The following POU6F2 variants were observed in gnomAD, a reference collection of about 807,000 sequenced individuals.
POU6F2 encodes the protein POU domain, class 6, transcription factor 2.
In POU6F2, 31 loss-of-function variants were observed where a neutral mutation model predicts 71.3. The ratio of observed to expected loss-of-function variants is 0.43; its 90% CI spans 0.33 to 0.59. The LOEUF (loss-of-function observed/expected upper bound fraction) is 0.59, where lower values mean the gene tolerates loss of function less well. POU6F2 is among the 20% of genes least tolerant of loss of function. The probability of loss-of-function intolerance (pLI) is 0.04; values close to 1 mark genes in which losing one functional copy is unlikely to be tolerated. For synonymous variants in POU6F2, 347 were observed against 355.7 expected, an observed-to-expected ratio of 0.98 and a Z score of 0.27; for missense variants, 783 against 856.8, an observed-to-expected ratio of 0.91 and a Z score of 1.07.
At position 39,180,666 on chromosome 7, in the gene POU6F2, C is replaced by A. The variant is rs188012452; in HGVS notation, c.278-23569C>A. ...GTGTGATTCATGCAGGCGCTTAGGA[C>A]CCCAAGCTCAGACGGGCTCTGTGTT... On this transcript the variant is annotated intron_variant, in intron 2 of 9. Transcript: ENST00000518318. 9.7e-4 allele frequency among the ~76,000 whole-genome samples: 147 copies of A among 152,264 alleles called. 2 individuals are homozygous for A. In the South Asian group the frequency reaches 0.021, roughly 22 times the overall value.
At chr7:39,400,847 C>T (rs897914506) in intron 5 of POU6F2, among the ~76,000 whole-genome samples, 1 of 152,116 alleles carries the variant, frequency 6.6e-6, no homozygotes, top group African/African-American at 2.4e-5. Context: ...TGAGTCAAAG[C>T]GTTGTAGGAC....
chr7:39,366,687 G>A (rs1786508697), intron 5 of POU6F2, among the ~76,000 whole-genome samples: 1 of 152,054 alleles, frequency 6.6e-6, no homozygotes, highest in Non-Finnish European at 1.5e-5. Context: ...GACTTCTGCT[G>A]GGGCAAAAAG....
intron 1 of POU6F2, among the ~76,000 whole-genome samples, chr7:39,078,097 T>C (rs1791034909): frequency 6.6e-6 from 1 of 152,216 alleles, no homozygotes; most frequent in African/African-American, 2.4e-5. Context: ...AGCCTTGCAT[T>C]CTGGTTATGA....
rs963263238 is a variant in POU6F2, at chr7:39,284,127, T to A, written c.599-55515T>A. ...GCTGGAAATCCCTTTGCAAAAGAGA[T>A]TTGGTAGTAAGATAAATTTTTCTGA... On this transcript the variant is annotated intron_variant, in intron 4 of 9. Coordinates refer to ENST00000518318, the MANE Select transcript of POU6F2 (RefSeq NM_001370959.1). 1.2e-3 allele frequency among the ~76,000 whole-genome samples: 181 copies of A among 152,266 alleles called. 1 individual carries two copies. The highest frequency in any genetic ancestry group is 1.0e-4 in the Non-Finnish European group (7 of 68,026).
chr7:39,165,717 G>A (rs1293340708), intron 2 of POU6F2, among the ~76,000 whole-genome samples: 2 of 152,122 alleles, frequency 1.3e-5, no homozygotes, highest in Admixed American at 6.5e-5. Context: ...AGCTCTTGAT[G>A]GAGGAAAAAA....
At chr7:39,124,718 C>T (rs2128728293) in intron 2 of POU6F2, among the ~76,000 whole-genome samples, 1 of 152,294 alleles carries the variant, frequency 6.6e-6, no homozygotes. Context: ...TTCGGGGACA[C>T]AAATTATGTG....
chr7:39,061,995 G>A (rs752669266), intron 1 of POU6F2, among the ~76,000 whole-genome samples: 1 of 151,984 alleles, frequency 6.6e-6, no homozygotes, highest in Non-Finnish European at 1.5e-5. Context: ...AGTACACAAG[G>A]GGTGCAATTT....
chr7:39,111,685 G>A (rs1044590475), intron 2 of POU6F2, among the ~76,000 whole-genome samples: 4 of 152,150 alleles, frequency 2.6e-5, no homozygotes, highest in Admixed American at 6.5e-5. Flanking sequence ...AGTGAAGAGC[G>A]TTCAGTTTGG....
chr7:38,995,733 A>T (rs1262510736), intron 1 of POU6F2, among the ~76,000 whole-genome samples: 1 of 152,212 alleles, frequency 6.6e-6, no homozygotes, highest in Middle Eastern at 3.2e-3. Context: ...TCTGTGTTTC[A>T]GTTCTTGAAC....
At chr7:39,391,680 AC>A (rs1427177835) in intron 5 of POU6F2, among the ~76,000 whole-genome samples, 1 of 152,222 alleles carries the variant, frequency 6.6e-6, no homozygotes, top group Non-Finnish European at 1.5e-5. Context: ...CAAAGCGACA[AC>A]CAACCCTTTC....
rs1011846272 is a variant in POU6F2 at position 39,195,133 on chromosome 7, A to T, written c.278-9102A>T. On this transcript the variant is annotated intron_variant, in intron 2 of 9. Transcript: ENST00000518318. ...TTGGAAAAATTAAATTTCAAGATTCATATTCCTATTGTCCCAATTATTAAT... is the reference window on the plus strand; with the variant it reads ...TTGGAAAAATTAAATTTCAAGATTCTTATTCCTATTGTCCCAATTATTAAT... Among the ~76,000 whole-genome samples the T allele has an allele frequency of 3.9e-5, 6 of 152,248 alleles. No individual in the cohort carries two copies. The East Asian group carries it at 1.2e-3, about 29-fold the overall frequency.
intron 6 of POU6F2, among the ~76,000 whole-genome samples, chr7:39,432,361 G>A (rs1337489185): frequency 1.3e-5 from 2 of 152,170 alleles, no homozygotes; most frequent in African/African-American, 4.8e-5. Flanking sequence ...TCAGTCCTCA[G>A]TAGTCATTTC....
At chr7:39,282,521 C>A (rs1264879840) in intron 4 of POU6F2, among the ~76,000 whole-genome samples, 1 of 152,074 alleles carries the variant, frequency 6.6e-6, no homozygotes. Flanking sequence ...TTTTGCGAGA[C>A]CATTTATTGA....
intron 1 of POU6F2, among the ~76,000 whole-genome samples, chr7:39,082,771 G>A (rs1791149671): frequency 6.9e-6 from 1 of 145,636 alleles, no homozygotes; most frequent in African/African-American, 2.5e-5. Flanking sequence ...CCTCACTAGG[G>A]GTTTGCTGTT....
intron 2 of POU6F2, among the ~76,000 whole-genome samples, chr7:39,135,251 T>G (rs545997569): frequency 6.6e-6 from 1 of 152,298 alleles, no homozygotes; most frequent in Non-Finnish European, 1.5e-5. Context: ...GTCTATTAAC[T>G]CAAATATTTA....
intron 1 of POU6F2, among the ~76,000 whole-genome samples, chr7:39,054,494 C>T (rs1244863963): frequency 2.6e-5 from 4 of 151,920 alleles, no homozygotes; most frequent in Non-Finnish European, 2.9e-5. Context: ...ATCTTTTATG[C>T]CTTTAAAATA....
At chr7:39,051,734 G>A (rs1294279252) in intron 1 of POU6F2, among the ~76,000 whole-genome samples, 1 of 152,092 alleles carries the variant, frequency 6.6e-6, no homozygotes, top group Non-Finnish European at 1.5e-5. Context: ...AGTTACTAGA[G>A]CATGTTCTCA....
chr7:39,141,147 A>C (rs1792491513), intron 2 of POU6F2, among the ~76,000 whole-genome samples: 2 of 152,188 alleles, frequency 1.3e-5, no homozygotes, highest in Admixed American at 6.5e-5. Flanking sequence ...AAGAGGTGCA[A>C]CTGTTTTTGT....
At chr7:39,368,761 C>T (rs911448170) in intron 5 of POU6F2, among the ~76,000 whole-genome samples, 3 of 152,094 alleles carry the variant, frequency 2.0e-5, no homozygotes, top group African/African-American at 7.2e-5. Context: ...ATCCTAGGGC[C>T]CTTAAGAATG....
Sources: gnomAD v4.1 joint callset for allele counts (sites outside exome capture counted in the v4.1 genomes callset) on GRCh38, gnomAD v4.1.1 for gene constraint, MANE v1.5 for transcripts, NCBI Gene and HGNC (gene_info 2026-07-23, HGNC 2026-07-21) for gene names.